Variants in CSMD1 observed in about 807,000 individuals in gnomAD.
The protein encoded by CSMD1 is CUB and Sushi multiple domains 1.
Under a neutral mutation model 417.5 loss-of-function variants are expected in CSMD1, and 213 were observed. The observed-to-expected ratio is 0.51, with a 90% CI of 0.46 to 0.57. The LOEUF is 0.57. Among genes scored for constraint, CSMD1 ranks in the 20% least tolerant of loss-of-function variants. The pLI is 0.00. For missense variants in CSMD1, 6,923 were observed against 4,529.7 expected, an observed-to-expected ratio of 1.53 and a Z score of -15.17; for synonymous variants, 2,862 against 1,736.8, an observed-to-expected ratio of 1.65 and a Z score of -16.11.
chr8:3,151,224 A>T (rs573086407), intron 40 of CSMD1, 173 bp downstream of exon 40: 2 of 520,412 alleles, frequency 3.8e-6, no homozygotes, highest in South Asian at 6.3e-5. Context: ...GATTTTTCAA[A>T]TAAGTTTTCC....
chr8:3,140,481 G>A (rs1387920563), intron 41 of CSMD1, among the ~76,000 whole-genome samples: 1 of 152,180 alleles, frequency 6.6e-6, no homozygotes, highest in African/African-American at 2.4e-5. Context: ...TGCTGGCAAT[G>A]TCTAGAGACA....
chr8:3,836,993 T>C (rs981275373), intron 5 of CSMD1, among the ~76,000 whole-genome samples: 2 of 152,072 alleles, frequency 1.3e-5, no homozygotes, highest in African/African-American at 4.8e-5. Flanking sequence ...AGATCCTTAA[T>C]TAGCTACTTT....
At chr8:4,363,804 A>T (rs1240436501) in intron 3 of CSMD1, among the ~76,000 whole-genome samples, 1 of 152,192 alleles carries the variant, frequency 6.6e-6, no homozygotes, top group Non-Finnish European at 1.5e-5. Flanking sequence ...CATTTTCTTT[A>T]TAAATTCATC....
intron 5 of CSMD1, among the ~76,000 whole-genome samples, chr8:3,844,534 G>C (rs1803357382): frequency 6.6e-6 from 1 of 152,146 alleles, no homozygotes; most frequent in Non-Finnish European, 1.5e-5. Context: ...TAGCAGAATT[G>C]TCACAGAGGG....
chr8:3,951,923 G>C (rs1811625019), intron 5 of CSMD1, among the ~76,000 whole-genome samples: 1 of 148,374 alleles, frequency 6.7e-6, no homozygotes, highest in Admixed American at 6.7e-5. Context: ...CAGTTTCCCA[G>C]AAAAAAAAAT....
Position 4,767,408 on chromosome 8 carries a change from A to G in CSMD1, c.86-129850T>C, listed in dbSNP as rs192801248. On this transcript the variant is annotated intron_variant, in intron 1 of 69. Transcript: ENST00000635120. ...TTTCTTTTTATTCTGGTACCTGTGC[A>G]CTATCATTCTCATTAAAACATCATC... Among the ~76,000 whole-genome samples, 847 of 152,266 alleles carry G rather than the reference A, an allele frequency of 5.6e-3. 5 individuals are homozygous for G. The highest frequency in any genetic ancestry group is 8.0e-3 in the Admixed American group (123 of 15,290).
chr8:3,920,785 C>A (rs943281349), intron 5 of CSMD1, among the ~76,000 whole-genome samples: 2 of 151,966 alleles, frequency 1.3e-5, no homozygotes, highest in African/African-American at 4.8e-5. Context: ...TATTGATTTG[C>A]GTATGTTAAA....
chr8:4,659,018 G>C (rs751273428), intron 1 of CSMD1, among the ~76,000 whole-genome samples: 3 of 152,116 alleles, frequency 2.0e-5, no homozygotes, highest in Non-Finnish European at 2.9e-5. Flanking sequence ...AGGGAAATGA[G>C]AGGGAAGTCA....
chr8:4,766,306 G>A (rs1812459497), intron 1 of CSMD1, among the ~76,000 whole-genome samples: 1 of 152,094 alleles, frequency 6.6e-6, no homozygotes, highest in Non-Finnish European at 1.5e-5. Context: ...TTCATTCGGT[G>A]AGCCAACTAT....
chr8:3,945,167 C>A, intron 5 of CSMD1, among the ~76,000 whole-genome samples: 2 of 96,638 alleles, frequency 2.1e-5, no homozygotes, highest in Non-Finnish European at 4.0e-5. Context: ...ATAATTTGAC[C>A]ATGAGAAAGA....
intron 1 of CSMD1, among the ~76,000 whole-genome samples, chr8:4,770,253 A>G (rs1046281148): frequency 2.0e-5 from 3 of 148,312 alleles, no homozygotes; most frequent in Non-Finnish European, 4.5e-5. Flanking sequence ...ATGTATTCCT[A>G]ATTACATATA....
intron 7 of CSMD1, among the ~76,000 whole-genome samples, chr8:3,665,111 A>G (rs1224126622): frequency 1.3e-5 from 2 of 152,218 alleles, no homozygotes; most frequent in East Asian, 3.8e-4. Context: ...GCTTATAATA[A>G]GAAAGTTTCA....
At chr8:4,057,248 C>A (rs1299603659) in intron 3 of CSMD1, among the ~76,000 whole-genome samples, 2 of 152,138 alleles carry the variant, frequency 1.3e-5, no homozygotes, top group Non-Finnish European at 2.9e-5. Flanking sequence ...GATGGTATCT[C>A]ATTGTGGTTT....
chr8:3,477,039 G>T lies in CSMD1; in HGVS notation c.1449-8215C>A, dbSNP rs114240863. On this transcript the variant is annotated intron_variant, in intron 11 of 69. Coordinates refer to ENST00000635120, the MANE Select transcript of CSMD1 (RefSeq NM_033225.6). ...GAATGTTCTGTGTTCTGATTTTGCT[G>T]GTGGTTACACAGATCTATACATGTA... Among the ~76,000 whole-genome samples the T allele has an allele frequency of 3.3e-3, 502 of 152,224 alleles. 4 individuals carry two copies. Among genetic ancestry groups the T allele is most frequent in the African/African-American group, 0.012 (481 of 41,536 alleles).
chr8:4,021,903 C>G (rs1796806685), intron 4 of CSMD1, among the ~76,000 whole-genome samples: 1 of 151,916 alleles, frequency 6.6e-6, no homozygotes, highest in African/African-American at 2.4e-5. Flanking sequence ...ACAAACTACC[C>G]CAGATCATCA....
chr8:3,764,728 CT>C (rs1798176860), intron 5 of CSMD1, among the ~76,000 whole-genome samples: 1 of 139,512 alleles, frequency 7.2e-6, no homozygotes, highest in Admixed American at 8.3e-5. Context: ...CAGCACTGCC[CT>C]TTTCTCTTTC....
chr8:3,180,426 C>G (rs1321447992), intron 37 of CSMD1, among the ~76,000 whole-genome samples: 1 of 152,156 alleles, frequency 6.6e-6, no homozygotes. Context: ...TGACCATAAT[C>G]TAGGCAGAAG....
intron 3 of CSMD1, among the ~76,000 whole-genome samples, chr8:4,249,985 G>A (rs1047903469): frequency 1.3e-4 from 20 of 152,178 alleles, no homozygotes; most frequent in Non-Finnish European, 2.5e-4. Context: ...GAGGAGCTGG[G>A]ACCTACTGGG....
chr8:3,586,606 A>G (rs1179231742), intron 8 of CSMD1, among the ~76,000 whole-genome samples: 1 of 152,168 alleles, frequency 6.6e-6, no homozygotes, highest in East Asian at 1.9e-4. Flanking sequence ...TGTACCCTGA[A>G]AACAAGAGGA....
Sources: gnomAD v4.1 joint callset for allele counts (sites outside exome capture counted in the v4.1 genomes callset) on GRCh38, gnomAD v4.1.1 for gene constraint, MANE v1.5 for transcripts, NCBI Gene and HGNC (gene_info 2026-07-23, HGNC 2026-07-21) for gene names.